The following PRKAR1A variants were observed in gnomAD, a reference collection of about 807,000 sequenced individuals.
PRKAR1A encodes the protein protein kinase cAMP-dependent type I regulatory subunit alpha.
PRKAR1A carries 3 observed loss-of-function variants against 52.0 expected under a neutral mutation model. The observed-to-expected ratio is 0.06, with a 90% CI of 0.03 to 0.15. The LOEUF (loss-of-function observed/expected upper bound fraction) is 0.15, where lower values mean the gene tolerates loss of function less well. PRKAR1A is among the 10% of genes least tolerant of loss of function. PRKAR1A has a pLI of 1.00. For missense variants in PRKAR1A, 240 were observed against 477.4 expected (o/e 0.50, Z 4.63); for synonymous variants, 188 against 168.4 (o/e 1.12, Z -0.90).
At chr17:68,426,252 G>GGA in the PRKAR1A span, 3 of 828,070 alleles carry the variant, frequency 3.6e-6, no homozygotes, top group Admixed American at 2.3e-5. Flanking sequence ...TGGGGAGCGG[G>GGA]GGCTCAAATA....
chr17:68,440,588 T>C, the PRKAR1A span: 1 of 152,238 alleles, frequency 6.6e-6, no homozygotes, highest in Non-Finnish European at 1.5e-5. Flanking sequence ...TTTTTCTACC[T>C]AGGAATGAGG....
chr17:68,484,432 C>G, the PRKAR1A span, among the ~76,000 whole-genome samples: 1 of 148,802 alleles, frequency 6.7e-6, no homozygotes, highest in South Asian at 2.1e-4. Flanking sequence ...ATCCTACAAC[C>G]TTGCTAAACT....
the PRKAR1A span, among the ~76,000 whole-genome samples, chr17:68,444,750 T>C: frequency 1.2e-3 from 190 of 152,280 alleles, no homozygotes; most frequent in Non-Finnish European, 2.2e-3. Flanking sequence ...TGTACACACA[T>C]ACACATGTAA....
Position 68,542,430 on chromosome 17 carries a change from A to G in PRKAR1A, c.974-8654A>G, listed in dbSNP as rs186053004. On this transcript the variant is annotated intron_variant, in intron 11 of 11. Coordinates refer to the PRKAR1A transcript ENST00000585981. ...GAACACTCTTTATTACCCTGGGTGG[A>G]TAACCTCTGGTTCCGGGGAGGCCAG... 5.3e-5 allele frequency among the ~76,000 whole-genome samples: 8 copies of G among 152,284 alleles called. No homozygotes were observed. The East Asian group carries it at 1.5e-3, about 29-fold the overall frequency.
the PRKAR1A span, among the ~76,000 whole-genome samples, chr17:68,480,670 C>T: frequency 0.049 from 7,421 of 152,272 alleles, 241 homozygotes; most frequent in Admixed American, 0.075. Context: ...GCCTCAGCCT[C>T]CTGAGTAGCT....
At chr17:68,464,506 C>T in the PRKAR1A span, among the ~76,000 whole-genome samples, 1 of 152,096 alleles carries the variant, frequency 6.6e-6, no homozygotes, top group Non-Finnish European at 1.5e-5. Flanking sequence ...CACGGTGAAA[C>T]CCCGTCTCTA....
the PRKAR1A span, chr17:68,420,925 T>TTC: frequency 6.2e-6 from 1 of 162,040 alleles, no homozygotes; most frequent in African/African-American, 2.4e-5. Context: ...AGGGCAGAGC[T>TTC]TCTCTCTCTT....
Position 68,531,253 on chromosome 17 carries a change from AATTG to A in PRKAR1A, c.*807_*810del. On this transcript the variant is annotated 3_prime_UTR_variant, in exon 11 of 11. Coordinates refer to ENST00000589228, the MANE Select transcript of PRKAR1A (RefSeq NM_002734.5). ...GACCTTTATCCAGCTAGTGCCAAAT[AATTG>A]ATCAGATGCTGAATTGAGAATAAGA... The A allele has an allele frequency of 1.9e-6, 2 of 1,066,322 alleles. No individual in the cohort carries two copies. Among genetic ancestry groups the A allele is most frequent in the Non-Finnish European group, 2.3e-6 (2 of 879,596 alleles). 66.1% of individuals were successfully genotyped at this position (1,066,322 alleles called of 1,614,324 possible).
the PRKAR1A span, chr17:68,430,188 G>T: frequency 1.3e-6 from 2 of 1,592,936 alleles, no homozygotes; most frequent in Admixed American, 3.6e-5. Context: ...GGCAACGATG[G>T]GACTGGGCTG....
At chr17:68,440,493 A>G in the PRKAR1A span, among the ~76,000 whole-genome samples, 2 of 152,240 alleles carry the variant, frequency 1.3e-5, no homozygotes, top group Non-Finnish European at 2.9e-5. Context: ...CCTAGAAAAT[A>G]TAAGGAGAAA....
At chr17:68,435,235 A>G in the PRKAR1A span, among the ~76,000 whole-genome samples, 318 of 151,754 alleles carry the variant, frequency 2.1e-3, 1 homozygote, top group Non-Finnish European at 3.5e-3. Context: ...CAATTGGATC[A>G]CTTTCTCTGA....
the PRKAR1A span, chr17:68,420,457 C>T: frequency 5.6e-6 from 9 of 1,607,848 alleles, no homozygotes; most frequent in Middle Eastern, 1.7e-4. Flanking sequence ...GCTGTCAAGC[C>T]GCATAACAGA....
the PRKAR1A span, chr17:68,426,253 G>GGGGGGGGGGGGT: frequency 7.1e-6 from 6 of 841,014 alleles, 1 homozygote; most frequent in East Asian, 3.4e-5. Flanking sequence ...GGGGAGCGGG[G>GGGGGGGGGGGGT]GCTCAAATAA....
At chr17:68,512,017 CCGGAGGGAGAGTGGGGTGGACAGAGGAG>C (rs1334708119), upstream of PRKAR1A, 1 of 152,590 alleles carries the variant, frequency 6.6e-6, no homozygotes, top group Non-Finnish European at 1.5e-5. Flanking sequence ...TCAAGGGAGG[CCGGAGGGAGAGTGGGGTGGACAGAGGAG>C]CGGAGGGACG....
chr17:68,533,402 A>G lies in PRKAR1A; in HGVS notation c.*2953A>G, dbSNP rs1450428960. 4.1e-5 allele frequency: 43 copies of G among 1,059,798 alleles called. No homozygotes were observed. The highest frequency in any genetic ancestry group is 4.6e-5 in the Non-Finnish European group (40 of 875,794). 65.6% of individuals were successfully genotyped at this position (1,059,798 alleles called of 1,614,324 possible). On this transcript the variant is annotated 3_prime_UTR_variant, in exon 11 of 11. Coordinates refer to ENST00000589228, the MANE Select transcript of PRKAR1A (RefSeq NM_002734.5). ...CCGTCCTCTGGAGTATGAAACCTTT[A>G]GAGTCACAATAAAATGTAACTAAAG...
chr17:68,427,977 C>G, the PRKAR1A span, among the ~76,000 whole-genome samples: 4 of 151,862 alleles, frequency 2.6e-5, no homozygotes, highest in African/African-American at 4.8e-5. Context: ...GCAGTCTTGA[C>G]CTTCCTGGGC....
chr17:68,457,831 G>A, the PRKAR1A span, among the ~76,000 whole-genome samples: 7 of 152,210 alleles, frequency 4.6e-5, no homozygotes, highest in Non-Finnish European at 8.8e-5. Flanking sequence ...GGCGCGTGAC[G>A]CAAAGGCAGC....
the PRKAR1A span, among the ~76,000 whole-genome samples, chr17:68,489,343 A>ATATATATATATATGGAAAG: frequency 5.9e-4 from 52 of 87,616 alleles, no homozygotes; most frequent in Middle Eastern, 5.0e-3. Flanking sequence ...TGGAAAGTAT[A>ATATATATATATATGGAAAG]TATATATATA....
At chr17:68,457,155 T>C in the PRKAR1A span, among the ~76,000 whole-genome samples, 151 of 147,622 alleles carry the variant, frequency 1.0e-3, 1 homozygote, top group African/African-American at 3.6e-3. Flanking sequence ...TGGGGTGGGG[T>C]GGGGGGTGCG....
Sources: gnomAD v4.1 joint callset for allele counts (sites outside exome capture counted in the v4.1 genomes callset) on GRCh38, gnomAD v4.1.1 for gene constraint, MANE v1.5 for transcripts, NCBI Gene and HGNC (gene_info 2026-07-23, HGNC 2026-07-21) for gene names.